The following CERS3 variants were observed in gnomAD, a reference collection of about 807,000 sequenced individuals.
CERS3 encodes ceramide synthase 3.
CERS3 carries 33 observed loss-of-function variants against 50.3 expected under a neutral mutation model. The ratio of observed to expected loss-of-function variants is 0.66; its 90% CI spans 0.50 to 0.88. The LOEUF (loss-of-function observed/expected upper bound fraction) is 0.88, where lower values mean the gene tolerates loss of function less well. Ranked by LOEUF, CERS3 falls within the 40% of genes least tolerant of loss-of-function variation. CERS3 has a pLI of 0.00. For synonymous variants in CERS3, 176 were observed against 155.2 expected, an observed-to-expected ratio of 1.13 and a Z score of -0.99; for missense variants, 470 against 460.3, an observed-to-expected ratio of 1.02 and a Z score of -0.19.
upstream of CERS3, among the ~76,000 whole-genome samples, chr15:100,531,261 C>T (rs1052373367): frequency 1.2e-4 from 18 of 152,216 alleles, no homozygotes; most frequent in South Asian, 2.1e-4. Flanking sequence ...AAAAGAACCC[C>T]GTCAGCATCT....
intron 11 of CERS3, among the ~76,000 whole-genome samples, chr15:100,419,896 C>A (rs577547953): frequency 6.7e-6 from 1 of 149,290 alleles, no homozygotes; most frequent in East Asian, 2.0e-4. Context: ...AGAACAAAGA[C>A]ACAACATACC....
At chr15:100,430,792 C>T (rs1013795812) in intron 11 of CERS3, among the ~76,000 whole-genome samples, 1 of 152,190 alleles carries the variant, frequency 6.6e-6, no homozygotes, top group African/African-American at 2.4e-5. Context: ...TTCTAATTAT[C>T]CAAGTTGACA....
intron 11 of CERS3, among the ~76,000 whole-genome samples, chr15:100,441,922 C>A (rs2033699448): frequency 1.3e-5 from 2 of 151,906 alleles, no homozygotes; most frequent in Non-Finnish European, 2.9e-5. Flanking sequence ...TTCTACAGAC[C>A]CATCTGACCT....
chr15:100,437,542 C>A (rs1163015570), intron 11 of CERS3, among the ~76,000 whole-genome samples: 2 of 152,190 alleles, frequency 1.3e-5, no homozygotes, highest in African/African-American at 4.8e-5. Flanking sequence ...ATGTCAGCTG[C>A]AGCACTGTCT....
At chr15:100,409,806 T>C (rs1161422104) in intron 11 of CERS3, among the ~76,000 whole-genome samples, 3 of 152,178 alleles carry the variant, frequency 2.0e-5, no homozygotes, top group African/African-American at 7.2e-5. Flanking sequence ...CTGACCCCTT[T>C]ACAAATCATT....
At chr15:100,496,228 C>A (rs1413242992) in intron 3 of CERS3, among the ~76,000 whole-genome samples, 2 of 152,158 alleles carry the variant, frequency 1.3e-5, no homozygotes, top group Non-Finnish European at 2.9e-5. Context: ...AATTCTTGTA[C>A]TCAAATTGTT....
At position 100,402,518 on chromosome 15, in the gene CERS3, A is replaced by C. The variant is rs2142036122; in HGVS notation, c.*195T>G. The C allele has an allele frequency of 1.7e-6, 1 of 584,826 alleles. No individual in the cohort carries two copies. Among genetic ancestry groups the C allele is most frequent in the Non-Finnish European group, 3.0e-6 (1 of 334,606 alleles). 36.2% of individuals were successfully genotyped at this position (584,826 alleles called of 1,614,324 possible). A position where few individuals can be genotyped will look rare whatever the true frequency, so the allele number is the denominator to read the frequency against. On this transcript the variant is annotated 3_prime_UTR_variant, in exon 12 of 12. Transcript: ENST00000679737. ...ACCAGTCTGAGTCCTAACTGCAGTAAAAATCCATGGGCATGCTTATATTTA... is the reference window on the plus strand; with the variant it reads ...ACCAGTCTGAGTCCTAACTGCAGTACAAATCCATGGGCATGCTTATATTTA...
At chr15:100,444,047 G>A (rs879347970) in intron 11 of CERS3, among the ~76,000 whole-genome samples, 1 of 152,156 alleles carries the variant, frequency 6.6e-6, no homozygotes, top group East Asian at 1.9e-4. Context: ...GTGCAGGGCT[G>A]TGCAATCAGA....
intron 10 of CERS3, among the ~76,000 whole-genome samples, chr15:100,468,310 T>C (rs764144687): frequency 8.5e-5 from 13 of 152,204 alleles, no homozygotes; most frequent in Non-Finnish European, 1.8e-4. Flanking sequence ...TGGTATAACC[T>C]GTTCAAGATC....
chr15:100,469,518 C>T (rs369236054), intron 9 of CERS3, 34 bp from the exon 10 acceptor site: 3 of 1,370,460 alleles, frequency 2.2e-6, no homozygotes, highest in East Asian at 4.6e-5. Context: ...GATAAAGTGA[C>T]AATAGCCTAC....
intron 1 of CERS3, among the ~76,000 whole-genome samples, chr15:100,537,190 C>G (rs907665175): frequency 6.6e-6 from 1 of 152,204 alleles, no homozygotes; most frequent in Non-Finnish European, 1.5e-5. Flanking sequence ...TAAAAAAGCA[C>G]AAGGGGGTGC....
At chr15:100,495,447 G>A (rs971325930) in intron 3 of CERS3, among the ~76,000 whole-genome samples, 3 of 152,112 alleles carry the variant, frequency 2.0e-5, no homozygotes, top group Non-Finnish European at 4.4e-5. Flanking sequence ...TGCTTTTATG[G>A]AAGAAAGAAT....
chr15:100,510,570 A>T (rs1366010759), intron 2 of CERS3, among the ~76,000 whole-genome samples: 1 of 152,166 alleles, frequency 6.6e-6, no homozygotes, highest in Non-Finnish European at 1.5e-5. Flanking sequence ...CCCCAGTTAC[A>T]CCTGGTATGT....
At chr15:100,417,422 G>A (rs2032017811) in intron 11 of CERS3, among the ~76,000 whole-genome samples, 3 of 152,074 alleles carry the variant, frequency 2.0e-5, no homozygotes, top group Non-Finnish European at 2.9e-5. Flanking sequence ...ACCTGGCTCT[G>A]AGGGTCCTAC....
rs776576323 is a variant in CERS3 at position 100,401,078 on chromosome 15, G to A, written c.*1635C>T. ...ATTTTTATTTAAAAATAACAATAAC[G>A]CAGTCTGTTCTGTGCAGTGTCCTTC... On this transcript the variant is annotated 3_prime_UTR_variant, in exon 12 of 12. Coordinates refer to ENST00000679737, the MANE Select transcript of CERS3 (RefSeq NM_001378789.1). The A allele has an allele frequency of 2.0e-5, 3 of 152,224 alleles. No individual in the cohort carries two copies. The highest frequency in any genetic ancestry group is 1.9e-4 in the East Asian group (1 of 5,190). 9.4% of individuals were successfully genotyped at this position (152,224 alleles called of 1,614,324 possible).
chr15:100,487,049 TATG>T (rs1307683650), intron 4 of CERS3, among the ~76,000 whole-genome samples: 1 of 152,202 alleles, frequency 6.6e-6, no homozygotes, highest in African/African-American at 2.4e-5. Context: ...CCTCATGCAC[TATG>T]ATATTATTAA....
chr15:100,487,886 C>G (rs1473853229), intron 4 of CERS3, among the ~76,000 whole-genome samples: 1 of 152,198 alleles, frequency 6.6e-6, no homozygotes, highest in Non-Finnish European at 1.5e-5. Context: ...ACGTTTTCTT[C>G]AGATCTCTTC....
intron 11 of CERS3, among the ~76,000 whole-genome samples, chr15:100,427,627 T>C (rs2587825): frequency 0.28 from 41,889 of 152,118 alleles, 5,960 homozygotes; most frequent in East Asian, 0.42. Flanking sequence ...TTTACCCTTG[T>C]GTGCTGCACA....
At chr15:100,533,068 T>G (rs967634913), upstream of CERS3, among the ~76,000 whole-genome samples, 9 of 152,116 alleles carry the variant, frequency 5.9e-5, no homozygotes, top group African/African-American at 1.9e-4. Flanking sequence ...GGGTTGAAAG[T>G]CTCTTTGCCG....
Sources: gnomAD v4.1 joint callset for allele counts (sites outside exome capture counted in the v4.1 genomes callset) on GRCh38, gnomAD v4.1.1 for gene constraint, MANE v1.5 for transcripts, NCBI Gene and HGNC (gene_info 2026-07-23, HGNC 2026-07-21) for gene names.